PACSIN1: variants seen among roughly 807,000 people sequenced by gnomAD.
The protein encoded by PACSIN1 is protein kinase C and casein kinase substrate in neurons 1, also known as protein kinase C and casein kinase substrate in neurons protein 1.
Under a neutral mutation model 59.5 loss-of-function variants are expected in PACSIN1, and 15 were observed. That is an observed-to-expected ratio of 0.25 (90% CI 0.17 to 0.39). The LOEUF (loss-of-function observed/expected upper bound fraction) is 0.39, where lower values mean the gene tolerates loss of function less well. Ranked by LOEUF, PACSIN1 falls within the 10% of genes least tolerant of loss-of-function variation. The pLI, the probability that PACSIN1 is intolerant of heterozygous loss-of-function variation, is 1.00. For synonymous variants in PACSIN1, 210 were observed against 220.6 expected (o/e 0.95, Z 0.42); for missense variants, 420 against 580.2 (o/e 0.72, Z 2.84).
Position 34,531,692 on chromosome 6 carries a change from G to T in PACSIN1, c.1130G>T (p.Gly377Val). The T allele has an allele frequency of 6.2e-7, 1 of 1,613,562 alleles. No individual in the cohort carries two copies. Among genetic ancestry groups the T allele is most frequent in the South Asian group, 1.1e-5 (1 of 90,968 alleles). The change falls in exon 9 of 10, where the codon GGC (glycine) becomes GTC (valine). Residue 377 changes from glycine (G) to valine (V), a missense_variant. Transcript: ENST00000244458. This position sits in a 1 kb window ranked among gnomAD's most constrained non-coding sequence, Gnocchi z 4.4. ...TTTGGGGGCAGTGAGACCAACGGGG[G>T]CGCCAACCCCTTTGAGGACGACTCC... is the stretch of plus-strand genomic sequence containing the variant. ...NPFGGSETNG[G>V]ANPFEDDSKG...
intron 1 of PACSIN1, among the ~76,000 whole-genome samples, chr6:34,496,744 T>C (rs868210004): frequency 9.3e-4 from 141 of 152,312 alleles, no homozygotes; most frequent in African/African-American, 3.2e-3. Context: ...TCTGGATTCC[T>C]GGATTCCAGG....
At chr6:34,520,400 C>T (rs952701222) in intron 1 of PACSIN1, among the ~76,000 whole-genome samples, 4 of 152,162 alleles carry the variant, frequency 2.6e-5, no homozygotes, top group African/African-American at 9.7e-5. Flanking sequence ...GAGCCTGTTC[C>T]GTGGGGAGAA....
At position 34,510,224 on chromosome 6, in the gene PACSIN1, T is replaced by C. The variant is rs559813704; in HGVS notation, c.-63-16019T>C. 1.5e-3 allele frequency among the ~76,000 whole-genome samples: 225 copies of C among 152,386 alleles called. 1 individual carries two copies. Among genetic ancestry groups the C allele is most frequent in the Non-Finnish European group, 2.3e-3 (156 of 68,040 alleles). ...TATCGCAAAAGCTTCTTAACTGGTC[T>C]CCTTGCCTCCACCCCGGTCTCCTAA... On this transcript the variant is annotated intron_variant, in intron 1 of 9. Transcript: ENST00000244458.
intron 2 of PACSIN1, 56 bp from the exon 3 acceptor site, chr6:34,527,276 G>A: frequency 7.0e-7 from 1 of 1,436,596 alleles, no homozygotes; most frequent in Non-Finnish European, 9.2e-7. Context: ...GATGCGGCGG[G>A]CGGGGCTGGG....
At chr6:34,468,580 A>G (rs1032299239) in intron 1 of PACSIN1, among the ~76,000 whole-genome samples, 4 of 152,132 alleles carry the variant, frequency 2.6e-5, no homozygotes, top group African/African-American at 9.7e-5. Context: ...CAGTTCCTCA[A>G]GCAAGTGGGG....
At chr6:34,506,322 A>G (rs975694164) in intron 1 of PACSIN1, among the ~76,000 whole-genome samples, 12 of 152,074 alleles carry the variant, frequency 7.9e-5, no homozygotes, top group African/African-American at 2.9e-4. Flanking sequence ...GGCTCAAGCA[A>G]TCCTCCCACC....
chr6:34,505,095 T>A (rs569801827), intron 1 of PACSIN1, among the ~76,000 whole-genome samples: 8 of 152,010 alleles, frequency 5.3e-5, no homozygotes, highest in Non-Finnish European at 1.0e-4. Context: ...AAGTAATCCT[T>A]GGCCCCAGGA....
In PACSIN1 at chr6:34,530,153, T is replaced by G. The variant is rs1019164598; in HGVS notation, c.789-90T>G. The stretch of plus-strand genomic sequence containing the variant: ...CTGGGCAGCATGCCCAGCACCCTGC[T>G]TCCCTGAGTGGACTCTGGCCTCTCA... On this transcript the variant is annotated intron_variant, in intron 6 of 9. Transcript: ENST00000244458. This position sits in a 1 kb window ranked among gnomAD's most constrained non-coding sequence, Gnocchi z 4.4. 5.9e-5 allele frequency: 87 copies of G among 1,482,526 alleles called. No homozygotes were observed. Among genetic ancestry groups the G allele is most frequent in the Non-Finnish European group, 2.4e-5 (27 of 1,107,066 alleles). The allele number at this position is 1,482,526 out of a possible 1,614,324, so 91.8% of individuals were successfully genotyped here. A position where few individuals can be genotyped will look rare whatever the true frequency, so the allele number is the denominator to read the frequency against.
At chr6:34,493,610 C>A (rs1432949878) in intron 1 of PACSIN1, among the ~76,000 whole-genome samples, 1 of 152,170 alleles carries the variant, frequency 6.6e-6, no homozygotes, top group African/African-American at 2.4e-5. Context: ...CCCTGATGGT[C>A]CAGACATCAC....
At position 34,531,568 on chromosome 6, in the gene PACSIN1, CA is replaced by C; in HGVS notation, c.1038-31del. 1 of 1,608,368 alleles carries C rather than the reference CA, an allele frequency of 6.2e-7. No homozygotes were observed. ...GCCCTCGGGATGCGGTACGGGGAGA[CA>C]TTGAAGCTGGCTCCTTCCTCCGCGT... On this transcript the variant is annotated intron_variant, in intron 8 of 9. Transcript: ENST00000244458. The surrounding 1 kb of genome is among the most constrained non-coding windows in gnomAD (Gnocchi z 4.4).
At chr6:34,484,448 G>A (rs191015733) in intron 1 of PACSIN1, among the ~76,000 whole-genome samples, 3 of 152,164 alleles carry the variant, frequency 2.0e-5, no homozygotes, top group Non-Finnish European at 4.4e-5. Context: ...GATTGGGGTG[G>A]GGCAGGGAGA....
At chr6:34,517,598 A>G (rs1358831375) in intron 1 of PACSIN1, among the ~76,000 whole-genome samples, 1 of 148,606 alleles carries the variant, frequency 6.7e-6, no homozygotes, top group Non-Finnish European at 1.5e-5. Context: ...GGGCCTTTGC[A>G]TGGGCTGTTC....
Position 34,529,567 on chromosome 6 carries a change from G to A in PACSIN1, c.612+15G>A, listed in dbSNP as rs200030106. 15 of 1,613,862 alleles carry A rather than the reference G, an allele frequency of 9.3e-6. No individual in the cohort carries two copies. Among genetic ancestry groups the A allele is most frequent in the South Asian group, 1.1e-5 (1 of 91,084 alleles). On this transcript the variant is annotated intron_variant, in intron 5 of 9. Coordinates refer to ENST00000244458, the MANE Select transcript of PACSIN1 (RefSeq NM_020804.5). This position sits in a 1 kb window ranked among gnomAD's most constrained non-coding sequence, Gnocchi z 6.3. ...ATGTGCAGAAGGTGCTGGCGGGCAGGGATGGCAGTAGGGGGTCTGGGGGCC... is the reference window on the plus strand; with the variant it reads ...ATGTGCAGAAGGTGCTGGCGGGCAGAGATGGCAGTAGGGGGTCTGGGGGCC...
At chr6:34,504,590 G>T (rs1417736497) in intron 1 of PACSIN1, among the ~76,000 whole-genome samples, 1 of 152,040 alleles carries the variant, frequency 6.6e-6, no homozygotes, top group Non-Finnish European at 1.5e-5. Flanking sequence ...ACAACAGGCC[G>T]TAATGTTATA....
At chr6:34,504,635 G>C (rs1204156932) in intron 1 of PACSIN1, among the ~76,000 whole-genome samples, 1 of 152,094 alleles carries the variant, frequency 6.6e-6, no homozygotes, top group Non-Finnish European at 1.5e-5. Flanking sequence ...AATTTGGAAA[G>C]CTCAAGAGAA....
Position 34,525,003 on chromosome 6 carries a change from G to C in PACSIN1, c.-63-1240G>C, listed in dbSNP as rs368095692. On this transcript the variant is annotated intron_variant, in intron 1 of 9. Transcript: ENST00000244458. The surrounding 1 kb of genome is among the most constrained non-coding windows in gnomAD (Gnocchi z 4.9). ...ATACCTATCTCACCTGGCTGACCAT[G>C]CTTCCTTAAACATCCCTGCTTTTCA... 3.4e-5 allele frequency among the ~76,000 whole-genome samples: 5 copies of C among 148,628 alleles called. No individual in the cohort carries two copies. The highest frequency in any genetic ancestry group is 1.2e-4 in the African/African-American group (5 of 40,520).
intron 1 of PACSIN1, among the ~76,000 whole-genome samples, chr6:34,471,191 G>A (rs1766566860): frequency 6.6e-6 from 1 of 151,928 alleles, no homozygotes; most frequent in Non-Finnish European, 1.5e-5. Flanking sequence ...CAAGTGATCT[G>A]CCCGCCTCAG....
intron 1 of PACSIN1, among the ~76,000 whole-genome samples, chr6:34,512,429 G>A (rs1384602014): frequency 6.6e-6 from 1 of 152,150 alleles, no homozygotes; most frequent in African/African-American, 2.4e-5. Context: ...ATGATCCAGG[G>A]CTGGGGGCCG....
At chr6:34,495,234 T>A (rs930797193) in intron 1 of PACSIN1, among the ~76,000 whole-genome samples, 1 of 152,122 alleles carries the variant, frequency 6.6e-6, no homozygotes, top group African/African-American at 2.4e-5. Context: ...GTTATTTAGA[T>A]GTGCAAAAGG....
Sources: allele counts gnomAD v4.1 joint callset (sites outside exome capture counted in the v4.1 genomes callset), GRCh38; gene constraint gnomAD v4.1.1; non-coding constraint Gnocchi (gnomAD v3.1); transcripts MANE v1.5; gene names NCBI Gene and HGNC (gene_info 2026-07-23, HGNC 2026-07-21).